Variants in AGMO observed in about 807,000 individuals in gnomAD.
The protein encoded by AGMO is glyceryl-ether monooxygenase.
AGMO carries 75 observed loss-of-function variants against 60.2 expected under a neutral mutation model. The ratio of observed to expected loss-of-function variants is 1.25; its 90% confidence interval spans 1.03 to 1.51. The LOEUF is 1.51. Ranked by LOEUF, AGMO falls within the 40% of genes most tolerant of loss-of-function variation. The probability of loss-of-function intolerance (pLI) is 0.00; values close to 1 mark genes in which losing one functional copy is unlikely to be tolerated. For synonymous variants in AGMO, 261 were observed against 177.1 expected, an observed-to-expected ratio of 1.47 and a Z score of -3.76; for missense variants, 763 against 525.5, an observed-to-expected ratio of 1.45 and a Z score of -4.42.
intron 12 of AGMO, among the ~76,000 whole-genome samples, chr7:15,315,355 T>TC (rs1315177886): frequency 7.0e-6 from 1 of 142,374 alleles, no homozygotes; most frequent in Non-Finnish European, 1.5e-5. Context: ...TTTTTTTTTT[T>TC]TGAGACAGAG....
At position 15,322,605 on chromosome 7, in the gene AGMO, TATATATAAATATATAA is replaced by T. The variant is rs1220747268; in HGVS notation, c.1263+42893_1263+42908del. Among the ~76,000 whole-genome samples, 2 of 40,494 alleles carry T rather than the reference TATATATAAATATATAA, an allele frequency of 4.9e-5. 1 individual carries two copies. The highest frequency in any genetic ancestry group is 2.7e-4 in the African/African-American group (2 of 7,290). The allele number at this position is 40,494 out of a possible 152,430, so 26.6% of individuals were successfully genotyped here. ...ATATAAATATATAAATATATATAAA[TATATATAAATATATAA>T]ATATATATAAATATATATAAATATA... On this transcript the variant is annotated intron_variant, in intron 12 of 12. Coordinates refer to ENST00000342526, the MANE Select transcript of AGMO (RefSeq NM_001004320.2).
intron 3 of AGMO, among the ~76,000 whole-genome samples, chr7:15,439,267 C>T (rs961224790): frequency 1.3e-5 from 2 of 152,048 alleles, no homozygotes; most frequent in African/African-American, 4.8e-5. Flanking sequence ...CGTGGTGGTG[C>T]ACACCTGTAG....
At chr7:15,380,617 T>C (rs756961117) in intron 10 of AGMO, among the ~76,000 whole-genome samples, 7 of 151,934 alleles carry the variant, frequency 4.6e-5, no homozygotes, top group Non-Finnish European at 8.9e-5. Flanking sequence ...ATGCTATGCT[T>C]ATTAAACATT....
Position 15,397,344 on chromosome 7 carries a change from C to T in AGMO, c.610-3165G>A, listed in dbSNP as rs569003908. ...CAGCCGCCCGGAACCCGAGCCGGCC[C>T]GCGAGCGCCTCGCGCAGCCCCGGCT... On this transcript the variant is annotated intron_variant, in intron 5 of 12. Coordinates refer to ENST00000342526, the MANE Select transcript of AGMO (RefSeq NM_001004320.2). Among the ~76,000 whole-genome samples, 645 of 151,878 alleles carry T rather than the reference C, an allele frequency of 4.2e-3. 4 individuals carry two copies. The highest frequency in any genetic ancestry group is 0.031 in the Middle Eastern group (9 of 290).
intron 5 of AGMO, among the ~76,000 whole-genome samples, chr7:15,413,245 A>C (rs1040848484): frequency 6.6e-6 from 1 of 152,204 alleles, no homozygotes; most frequent in Non-Finnish European, 1.5e-5. Context: ...AGTAGGTAAA[A>C]GATTAAATAA....
At chr7:15,482,818 T>C (rs1782796380) in intron 3 of AGMO, among the ~76,000 whole-genome samples, 1 of 152,206 alleles carries the variant, frequency 6.6e-6, no homozygotes, top group African/African-American at 2.4e-5. Flanking sequence ...CAGGTGGGTT[T>C]GGTTAATGTT....
At chr7:15,559,234 G>C (rs1028350306) in intron 2 of AGMO, among the ~76,000 whole-genome samples, 3 of 152,078 alleles carry the variant, frequency 2.0e-5, no homozygotes, top group Admixed American at 6.6e-5. Context: ...TCCAGGCACA[G>C]GAGCTAAAAC....
chr7:15,365,554 T>C lies in AGMO; in HGVS notation c.1223A>G (p.His408Arg). The C allele has an allele frequency of 1.2e-6, 2 of 1,612,906 alleles. No individual in the cohort carries two copies. Among genetic ancestry groups the C allele is most frequent in the South Asian group, 1.1e-5 (1 of 91,022 alleles). ...CAATGAAGGGACAAGAGGCTTCAGGTGACCAAATCGGTACAGCATTAAGAA... is the reference window on the plus strand; with the variant it reads ...CAATGAAGGGACAAGAGGCTTCAGGCGACCAAATCGGTACAGCATTAAGAA... Reference protein sequence around the residue: ...LMFLMLYRFGHLKPLVPSLSS... With the variant: ...LMFLMLYRFGRLKPLVPSLSS... The change falls in exon 12 of 13, where the codon CAC becomes CGC. Residue 408 changes from histidine to arginine, a missense_variant. Physicochemically the swap from His to Arg is conservative, Grantham distance 29 (BLOSUM62 0). Coordinates refer to ENST00000342526, the MANE Select transcript of AGMO (RefSeq NM_001004320.2).
At chr7:15,513,207 G>A (rs1336997711) in intron 3 of AGMO, among the ~76,000 whole-genome samples, 1 of 152,054 alleles carries the variant, frequency 6.6e-6, no homozygotes, top group Non-Finnish European at 1.5e-5. Flanking sequence ...CATTGCTATT[G>A]AAAAAATAAT....
intron 3 of AGMO, among the ~76,000 whole-genome samples, chr7:15,540,649 C>T (rs1223000396): frequency 3.9e-5 from 6 of 152,134 alleles, no homozygotes; most frequent in Non-Finnish European, 8.8e-5. Flanking sequence ...AACTGGCATG[C>T]TGGCCCTTCC....
At chr7:15,445,363 C>G (rs1781670447) in intron 3 of AGMO, among the ~76,000 whole-genome samples, 1 of 152,116 alleles carries the variant, frequency 6.6e-6, no homozygotes, top group African/African-American at 2.4e-5. Flanking sequence ...AGATAGCTCT[C>G]AAAGGATATT....
chr7:15,150,432 C>A, the AGMO span, among the ~76,000 whole-genome samples: 1 of 152,010 alleles, frequency 6.6e-6, no homozygotes, highest in African/African-American at 2.4e-5. Context: ...ATGATGTTGG[C>A]TGTGGTTTTG....
At position 15,453,199 on chromosome 7, in the gene AGMO, T is replaced by A. The variant is rs116673289; in HGVS notation, c.410-22091A>T. The stretch of plus-strand genomic sequence containing the variant: ...GCCAAAAGCCACTGAATGGCACAGT[T>A]TAAGAAGGCAAATGTTATGGTATGT... On this transcript the variant is annotated intron_variant, in intron 3 of 12. Coordinates refer to ENST00000342526, the MANE Select transcript of AGMO (RefSeq NM_001004320.2). 1.1e-3 allele frequency among the ~76,000 whole-genome samples: 169 copies of A among 152,244 alleles called. 1 individual carries two copies. Among genetic ancestry groups the A allele is most frequent in the African/African-American group, 3.7e-3 (155 of 41,558 alleles).
intron 3 of AGMO, among the ~76,000 whole-genome samples, chr7:15,526,030 C>A (rs185575873): frequency 3.2e-4 from 49 of 152,306 alleles, no homozygotes; most frequent in Non-Finnish European, 5.3e-4. Flanking sequence ...CGGGCCGCAG[C>A]TCGCACTAGC....
At chr7:15,261,323 A>G (rs973789867) in intron 12 of AGMO, among the ~76,000 whole-genome samples, 2 of 152,104 alleles carry the variant, frequency 1.3e-5, no homozygotes, top group African/African-American at 4.8e-5. Flanking sequence ...GGGAGATACT[A>G]CAAGTGATAC....
chr7:15,403,298 C>T (rs1784603659), intron 5 of AGMO, among the ~76,000 whole-genome samples: 1 of 151,864 alleles, frequency 6.6e-6, no homozygotes. Flanking sequence ...TTGGTTATTA[C>T]TGAAGAGAAT....
At position 15,280,342 on chromosome 7, in the gene AGMO, T is replaced by C. The variant is rs185464959; in HGVS notation, c.1264-78983A>G. Among the ~76,000 whole-genome samples the C allele has an allele frequency of 2.6e-5, 4 of 152,226 alleles. No homozygotes were observed. In the East Asian group the frequency reaches 5.8e-4, roughly 22 times the overall value. On this transcript the variant is annotated intron_variant, in intron 12 of 12. Transcript: ENST00000342526. ...CTGCCTGCTTACTCCCCACTCCCTG[T>C]GCCAACACTTCTTCACAGCAGAGGC... is the stretch of plus-strand genomic sequence containing the variant.
At position 15,394,139 on chromosome 7, in the gene AGMO, G is replaced by A. The variant is rs913879210; in HGVS notation, c.650C>T (p.Thr217Ile). The change falls in exon 6 of 13, where the codon ACT (threonine) becomes ATT (isoleucine). Residue 217 changes from threonine (T) to isoleucine (I), a missense_variant. Physicochemically the swap from Thr to Ile is moderately conservative, Grantham distance 89. Transcript: ENST00000342526. ...ATGATGAACCCTATGATGGCTAGGA[G>A]TATTAAGAATCAGTTCCAAAGGACC... ...NLGPLELILN[T>I]PSHHRVHHGR... 5.6e-6 allele frequency: 9 copies of A among 1,612,320 alleles called. No individual in the cohort carries two copies. The highest frequency in any genetic ancestry group is 1.7e-5 in the Admixed American group (1 of 59,950).
Position 15,306,405 on chromosome 7 carries a change from CA to C in AGMO, c.1263+59108del, listed in dbSNP as rs201338169. 756 of 380,516 alleles carry C rather than the reference CA, an allele frequency of 2.0e-3. 11 individuals carry two copies. In the East Asian group the frequency reaches 0.033, roughly 17 times the overall value. 23.6% of individuals were successfully genotyped at this position (380,516 alleles called of 1,614,324 possible). On this transcript the variant is annotated intron_variant, in intron 12 of 12. Coordinates refer to ENST00000342526, the MANE Select transcript of AGMO (RefSeq NM_001004320.2). ...CAAAATCTTTATTATTTTCAAGCTACAAAAAAATAGTTTGGTAGAGAACTGG... is the reference window on the plus strand; with the variant it reads ...CAAAATCTTTATTATTTTCAAGCTACAAAAAATAGTTTGGTAGAGAACTGG...
Sources: allele counts gnomAD v4.1 joint callset (sites outside exome capture counted in the v4.1 genomes callset), GRCh38; gene constraint gnomAD v4.1.1; transcripts MANE v1.5; gene names NCBI Gene and HGNC (gene_info 2026-07-23, HGNC 2026-07-21).